KBTBD11: variants seen among roughly 807,000 people sequenced by gnomAD.
KBTBD11 encodes the protein kelch repeat and BTB domain-containing protein 11.
For missense variants in KBTBD11, 1,390 were observed against 1,001.8 expected (o/e 1.39, Z -5.23); for synonymous variants, 747 against 499.0 (o/e 1.50, Z -6.63).
At chr8:2,000,139 C>T (rs969828746) in intron 1 of KBTBD11, 146 bp from the exon 2 acceptor site, 7 of 152,272 alleles carry the variant, frequency 4.6e-5, no homozygotes, top group African/African-American at 1.7e-4. Context: ...TCAAACTCTC[C>T]AGCAGAGAAA....
At chr8:1,993,363 A>ATCCGTCCGTCCG (rs1165431763) in intron 1 of KBTBD11, among the ~76,000 whole-genome samples, 5 of 143,236 alleles carry the variant, frequency 3.5e-5, no homozygotes, top group Admixed American at 6.9e-5. Flanking sequence ...CCATCGGTCC[A>ATCCGTCCGTCCG]TCCGTCCGTC....
intron 1 of KBTBD11, among the ~76,000 whole-genome samples, chr8:1,993,956 C>A (rs1041553956): frequency 6.6e-6 from 1 of 150,778 alleles, no homozygotes; most frequent in African/African-American, 2.5e-5. Context: ...CACACACACA[C>A]ACAAAACCCC....
In KBTBD11 at chr8:2,005,616, G is replaced by C. The variant is rs899466959; in HGVS notation, c.*2552G>C. 6.0e-6 allele frequency: 1 copy of C among 167,094 alleles called. No individual in the cohort carries two copies. The highest frequency in any genetic ancestry group is 1.5e-5 in the Non-Finnish European group (1 of 68,134). 10.4% of individuals were successfully genotyped at this position (167,094 alleles called of 1,614,324 possible). ...CAATTCAAAGTGGTGTTCTAAGTCT[G>C]CGTCCAACACTGTGTAGGAAAAAGG... On this transcript the variant is annotated 3_prime_UTR_variant, in exon 2 of 2. Transcript: ENST00000320248.
chr8:2,000,196 T>C (rs544944264), intron 1 of KBTBD11, 89 bp from the exon 2 acceptor site: 1 of 152,248 alleles, frequency 6.6e-6, no homozygotes, highest in South Asian at 2.1e-4. Context: ...AATCTGAACG[T>C]TGGAGAGGGA....
At chr8:1,979,024 A>G (rs374061310) in intron 1 of KBTBD11, among the ~76,000 whole-genome samples, 1 of 152,222 alleles carries the variant, frequency 6.6e-6, no homozygotes, top group Non-Finnish European at 1.5e-5. Flanking sequence ...CGTGCTGGTC[A>G]GGGTTCTCCA....
rs909007038 is a variant in KBTBD11 at position 1,973,910 on chromosome 8, G to A, written c.-934G>A. On this transcript the variant is annotated 5_prime_UTR_variant, in exon 1 of 2. Coordinates refer to ENST00000320248, the MANE Select transcript of KBTBD11 (RefSeq NM_014867.3). ...CCGCCTGGCTGCGCGTCCCGGGCCC[G>A]GCGGCTGAAGAGGAGCCGCGGCGAG... 5 of 982,852 alleles carry A rather than the reference G, an allele frequency of 5.1e-6. No individual in the cohort carries two copies. The highest frequency in any genetic ancestry group is 6.0e-6 in the Non-Finnish European group (5 of 828,692). The allele number at this position is 982,852 out of a possible 1,614,324, so 60.9% of individuals were successfully genotyped here. A position where few individuals can be genotyped will look rare whatever the true frequency, so the allele number is the denominator to read the frequency against.
chr8:1,987,856 A>G (rs186891909), intron 1 of KBTBD11, among the ~76,000 whole-genome samples: 8 of 151,760 alleles, frequency 5.3e-5, no homozygotes, highest in East Asian at 1.9e-4. Context: ...TACATTAGGT[A>G]TTTCTCCTAA....
intron 1 of KBTBD11, among the ~76,000 whole-genome samples, chr8:1,989,292 G>C (rs924932923): frequency 9.9e-5 from 15 of 152,184 alleles, no homozygotes; most frequent in African/African-American, 3.6e-4. Context: ...TGAATCAAAG[G>C]CTCTTTTGAA....
intron 1 of KBTBD11, among the ~76,000 whole-genome samples, chr8:1,985,224 C>G (rs1171275625): frequency 3.9e-5 from 6 of 152,238 alleles, no homozygotes; most frequent in Non-Finnish European, 7.3e-5. Flanking sequence ...GAGAGCACCT[C>G]GTGAGGTGTC....
chr8:1,977,423 C>T (rs1327830101), intron 1 of KBTBD11, among the ~76,000 whole-genome samples: 1 of 152,172 alleles, frequency 6.6e-6, no homozygotes, highest in East Asian at 1.9e-4. Flanking sequence ...GTCCTGGCCA[C>T]CTCCATCTCA....
In KBTBD11 at chr8:2,001,396, C is replaced by T. The variant is rs765384999; in HGVS notation, c.204C>T (p.Ser68=). 2.8e-6 allele frequency: 4 copies of T among 1,422,624 alleles called. No homozygotes were observed. In the African/African-American group the frequency reaches 4.5e-5, roughly 16 times the overall value. The allele number at this position is 1,422,624 out of a possible 1,614,324, so 88.1% of individuals were successfully genotyped here. A position where few individuals can be genotyped will look rare whatever the true frequency, so the allele number is the denominator to read the frequency against. Residue 68 remains serine (S), a synonymous_variant, in exon 2 of 2, where the codon AGC becomes AGT. Transcript: ENST00000320248. ...AEGAATSPPS[S]GGPRVVERQW... ...GCGCGGCCACCTCCCCGCCCTCCAGCGGTGGCCCGCGGGTGGTGGAGCGGC... is the reference window on the plus strand; with the variant it reads ...GCGCGGCCACCTCCCCGCCCTCCAGTGGTGGCCCGCGGGTGGTGGAGCGGC...
chr8:2,001,279 C>A lies in KBTBD11; in HGVS notation c.87C>A (p.Ser29=), dbSNP rs574439513. ...AGESESEGAA[S]PAQTPCSLGA... is the part of the protein sequence containing the mutation. ...AGAGCGAGAGCGAGGGCGCCGCGTC[C>A]CCGGCGCAGACACCCTGCAGTCTCG... Residue 29 remains serine, a synonymous_variant, in exon 2 of 2, where the codon TCC becomes TCA. Transcript: ENST00000320248. 19 of 1,520,778 alleles carry A rather than the reference C, an allele frequency of 1.2e-5. No homozygotes were observed. The East Asian group carries it at 4.7e-4, about 38-fold the overall frequency. The allele number at this position is 1,520,778 out of a possible 1,614,324, so 94.2% of individuals were successfully genotyped here. A position where few individuals can be genotyped will look rare whatever the true frequency, so the allele number is the denominator to read the frequency against.
intron 1 of KBTBD11, among the ~76,000 whole-genome samples, chr8:1,989,551 C>T (rs546272306): frequency 6.6e-6 from 1 of 152,200 alleles, no homozygotes; most frequent in Non-Finnish European, 1.5e-5. Flanking sequence ...CACTAAGCTC[C>T]ATACCGCATG....
chr8:1,984,648 GC>G (rs143628602), intron 1 of KBTBD11, among the ~76,000 whole-genome samples: 15,361 of 152,078 alleles, frequency 0.1, 1,629 homozygotes, highest in African/African-American at 0.27. Context: ...TAGGTGAGTG[GC>G]CCCCTAAAAA....
chr8:1,979,749 G>A (rs994004760), intron 1 of KBTBD11, among the ~76,000 whole-genome samples: 1 of 105,616 alleles, frequency 9.5e-6, no homozygotes, highest in African/African-American at 2.9e-5. Context: ...AAAGGGAGAA[G>A]TGTGTGGCAG....
At chr8:1,990,195 G>A (rs919193496) in intron 1 of KBTBD11, among the ~76,000 whole-genome samples, 5 of 151,988 alleles carry the variant, frequency 3.3e-5, no homozygotes, top group African/African-American at 1.2e-4. Context: ...TAGATGCTGG[G>A]CCTTGGCGCC....
At chr8:1,975,189 A>T (rs925659596) in intron 1 of KBTBD11, 1 of 152,250 alleles carries the variant, frequency 6.6e-6, no homozygotes, top group Admixed American at 6.5e-5. Context: ...TGGCATTGCA[A>T]TGCTCCCATC....
chr8:2,001,801 C>T lies in KBTBD11; in HGVS notation c.609C>T (p.Asn203=), dbSNP rs1257909562. 5 of 1,248,528 alleles carry T rather than the reference C, an allele frequency of 4.0e-6. No homozygotes were observed. Among genetic ancestry groups the T allele is most frequent in the Non-Finnish European group, 5.0e-6 (5 of 1,000,606 alleles). The allele number at this position is 1,248,528 out of a possible 1,614,324, so 77.3% of individuals were successfully genotyped here. A position where few individuals can be genotyped will look rare whatever the true frequency, so the allele number is the denominator to read the frequency against. Residue 203 remains asparagine, a synonymous_variant, in exon 2 of 2, where the codon AAC becomes AAT. Transcript: ENST00000320248. ...GCATGGCGGGCGTGCGGCCCGACAA[C>T]GTGGCCGAGGTGGTGGCCGGCGCGC... is the stretch of plus-strand genomic sequence containing the variant. The part of the protein sequence containing the change: ...SGRMAGVRPD[N]VAEVVAGARR...
At chr8:1,985,903 C>T (rs554988606) in intron 1 of KBTBD11, among the ~76,000 whole-genome samples, 2 of 152,298 alleles carry the variant, frequency 1.3e-5, no homozygotes, top group East Asian at 3.9e-4. Context: ...CAGGTTGTTC[C>T]CATTCAGTCT....
Sources: allele counts gnomAD v4.1 joint callset (sites outside exome capture counted in the v4.1 genomes callset), GRCh38; gene constraint gnomAD v4.1.1; transcripts MANE v1.5; gene names NCBI Gene and HGNC (gene_info 2026-07-23, HGNC 2026-07-21).